PLAA: variants seen among roughly 807,000 people sequenced by gnomAD.
PLAA encodes the protein phospholipase A2 activating protein.
A neutral mutation model predicts 84.1 loss-of-function variants in PLAA; 48 were observed. That is an observed-to-expected ratio of 0.57 (90% confidence interval 0.45 to 0.73). PLAA has a LOEUF of 0.73. Ranked by LOEUF, PLAA falls within the 30% of genes least tolerant of loss-of-function variation. The pLI is 0.00. For missense variants in PLAA, 903 were observed against 954.7 expected, an observed-to-expected ratio of 0.95 and a Z score of 0.71; for synonymous variants, 392 against 336.6, an observed-to-expected ratio of 1.16 and a Z score of -1.80.
intron 7 of PLAA, among the ~76,000 whole-genome samples, chr9:26,922,224 TTAA>T (rs1563911599): frequency 6.6e-6 from 1 of 152,092 alleles, no homozygotes; most frequent in Non-Finnish European, 1.5e-5. Flanking sequence ...CTGATAATTC[TTAA>T]TATTAATACC....
At chr9:26,923,547 GACAAAGA>G (rs1326334206) in intron 6 of PLAA, among the ~76,000 whole-genome samples, 200 bp from the exon 7 acceptor site, 1 of 152,164 alleles carries the variant, frequency 6.6e-6, no homozygotes, top group Non-Finnish European at 1.5e-5. Context: ...AGAAGTTATT[GACAAAGA>G]ACAGAGAAAC....
rs759709062 is a variant in PLAA at position 26,926,462 on chromosome 9, C to T, written c.664G>A (p.Glu222Lys). 9.9e-6 allele frequency: 16 copies of T among 1,612,134 alleles called. No individual in the cohort carries two copies. The highest frequency in any genetic ancestry group is 2.7e-5 in the African/African-American group (2 of 74,870). ...ASIRRWQITGECLEVYYGHTN... is the reference protein window; with the variant it reads ...ASIRRWQITGKCLEVYYGHTN... ...TGTCCATAATATACTTCAAGACACT[C>T]GCCAGTGATTTGCCACCTTCTAATA... The change falls in exon 5 of 14, where the codon GAG (glutamate) becomes AAG (lysine). Residue 222 changes from glutamate to lysine, a missense_variant. Transcript: ENST00000397292.
rs1318585821 is a variant in PLAA, at chr9:26,904,308, C to T, written c.*1203G>A. ...AGAATGTTGCTATTTCTGGCAACGT[C>T]TTTATGAAAAGATCTTTCCCACTTT... On this transcript the variant is annotated 3_prime_UTR_variant, in exon 14 of 14. Transcript: ENST00000397292. 1.3e-5 allele frequency: 2 copies of T among 152,130 alleles called. No homozygotes were observed. Among genetic ancestry groups the T allele is most frequent in the African/African-American group, 4.8e-5 (2 of 41,440 alleles). The allele number at this position is 152,130 out of a possible 1,614,324, so 9.4% of individuals were successfully genotyped here.
intron 12 of PLAA, among the ~76,000 whole-genome samples, chr9:26,909,785 G>A (rs758628184): frequency 1.1e-4 from 16 of 151,852 alleles, no homozygotes; most frequent in African/African-American, 1.7e-4. Context: ...CACCACGCCC[G>A]GCTAATTTTT....
chr9:26,916,651 A>G, intron 10 of PLAA: 2 of 990,262 alleles, frequency 2.0e-6, no homozygotes, highest in Non-Finnish European at 2.4e-6. Flanking sequence ...GATTGGTAGC[A>G]TCTCGCCAGT....
chr9:26,907,663 C>G, intron 13 of PLAA, 171 bp downstream of exon 13: 2 of 548,590 alleles, frequency 3.6e-6, no homozygotes, highest in Non-Finnish European at 6.2e-6. Flanking sequence ...GTAACGGAAA[C>G]AAGATCATCA....
chr9:26,914,257 A>G (rs1432471954), intron 10 of PLAA, among the ~76,000 whole-genome samples: 1 of 152,234 alleles, frequency 6.6e-6, no homozygotes, highest in Non-Finnish European at 1.5e-5. Context: ...ATTCTATTGA[A>G]GTAAAGGGGT....
intron 10 of PLAA, among the ~76,000 whole-genome samples, chr9:26,914,856 A>G (rs1193115916): frequency 6.6e-6 from 1 of 152,200 alleles, no homozygotes; most frequent in African/African-American, 2.4e-5. Context: ...AGATTCCCAG[A>G]GTCCACCCAT....
At chr9:26,911,107 T>C (rs2131368086) in intron 11 of PLAA, among the ~76,000 whole-genome samples, 1 of 152,196 alleles carries the variant, frequency 6.6e-6, no homozygotes, top group East Asian at 1.9e-4. Context: ...ATGTGCAAGT[T>C]TGTTACATAG....
At chr9:26,939,163 C>T (rs1018865906) in intron 1 of PLAA, among the ~76,000 whole-genome samples, 3 of 151,922 alleles carry the variant, frequency 2.0e-5, no homozygotes, top group African/African-American at 4.8e-5. Context: ...CTGAGGCCGG[C>T]GGATCACAAG....
Position 26,917,129 on chromosome 9 carries a change from G to T in PLAA, c.1454C>A (p.Ser485Tyr). ...AGGATCTGCTGTGGGTAGTGTGTTA[G>T]AAGATCCCGAAGAGCCCGGAACATA... The part of the protein sequence containing the change: ...GRYVPGSSGS[S>Y]NTLPTADPFT... Residue 485 changes from serine to tyrosine, a missense_variant, in exon 10 of 14, where the codon TCT becomes TAT. Coordinates refer to ENST00000397292, the MANE Select transcript of PLAA (RefSeq NM_001031689.3). 1 of 1,613,934 alleles carries T rather than the reference G, an allele frequency of 6.2e-7. No individual in the cohort carries two copies. The highest frequency in any genetic ancestry group is 8.5e-7 in the Non-Finnish European group (1 of 1,179,888).
intron 12 of PLAA, among the ~76,000 whole-genome samples, chr9:26,909,803 T>C (rs1278952835): frequency 6.6e-6 from 1 of 152,070 alleles, no homozygotes; most frequent in Non-Finnish European, 1.5e-5. Context: ...TTTGTATTTT[T>C]AGTAGAAACG....
chr9:26,909,006 G>T (rs1453519358), intron 12 of PLAA, among the ~76,000 whole-genome samples: 2 of 152,066 alleles, frequency 1.3e-5, no homozygotes, highest in Admixed American at 6.6e-5. Flanking sequence ...TTTATTTAAT[G>T]GACATACTGC....
intron 1 of PLAA, 102 bp downstream of exon 1, chr9:26,946,795 G>T (rs894211677): frequency 1.5e-5 from 19 of 1,305,130 alleles, no homozygotes; most frequent in Admixed American, 2.7e-5. Flanking sequence ...GGGAAGGCTG[G>T]GGGGAGAGAG....
intron 7 of PLAA, among the ~76,000 whole-genome samples, chr9:26,921,904 C>A (rs1232706650): frequency 6.6e-6 from 1 of 152,204 alleles, no homozygotes; most frequent in Non-Finnish European, 1.5e-5. Context: ...ATTTTTCCTA[C>A]ATTTCAATTT....
At chr9:26,908,719 C>A (rs1372405692) in intron 12 of PLAA, among the ~76,000 whole-genome samples, 1 of 152,082 alleles carries the variant, frequency 6.6e-6, no homozygotes, top group African/African-American at 2.4e-5. Flanking sequence ...AGTGACCCAC[C>A]TGCCTTGAAC....
chr9:26,922,712 G>A (rs1162652817), intron 7 of PLAA, among the ~76,000 whole-genome samples: 1 of 151,288 alleles, frequency 6.6e-6, no homozygotes, highest in East Asian at 1.9e-4. Context: ...TGTCACCCAG[G>A]CTGGAATGCA....
intron 12 of PLAA, among the ~76,000 whole-genome samples, chr9:26,908,335 T>C (rs1824302074): frequency 6.6e-6 from 1 of 150,774 alleles, no homozygotes. Context: ...CCTGGCTAAT[T>C]TTTTGTGTTT....
chr9:26,912,429 G>A (rs1824427964), intron 11 of PLAA, among the ~76,000 whole-genome samples: 1 of 152,140 alleles, frequency 6.6e-6, no homozygotes, highest in African/African-American at 2.4e-5. Flanking sequence ...TTTTAATCAA[G>A]GGAGGTGCAT....
Sources: allele counts gnomAD v4.1 joint callset (sites outside exome capture counted in the v4.1 genomes callset), GRCh38; gene constraint gnomAD v4.1.1; transcripts MANE v1.5; gene names NCBI Gene and HGNC (gene_info 2026-07-23, HGNC 2026-07-21).